The following DENND3 variants were observed in gnomAD, a reference collection of about 807,000 sequenced individuals.
The protein encoded by DENND3 is DENN domain containing 3.
Under a neutral mutation model 135.1 loss-of-function variants are expected in DENND3, and 88 were observed. That is an observed-to-expected ratio of 0.65 (90% CI 0.55 to 0.78). DENND3 has a LOEUF of 0.78. Ranked by LOEUF, DENND3 falls within the 30% of genes least tolerant of loss-of-function variation. The pLI, the probability that DENND3 is intolerant of heterozygous loss-of-function variation, is 0.00. For synonymous variants in DENND3, 693 were observed against 712.3 expected (o/e 0.97, Z 0.43); for missense variants, 1,392 against 1,688.4 (o/e 0.82, Z 3.08).
At chr8:141,131,063 G>A (rs1816021230) in intron 1 of DENND3, among the ~76,000 whole-genome samples, 1 of 152,110 alleles carries the variant, frequency 6.6e-6, no homozygotes, top group Non-Finnish European at 1.5e-5. Context: ...GATGACACAG[G>A]AAAACAGAGG....
At chr8:141,150,786 C>T (rs758547767) in intron 5 of DENND3, 48 bp from the exon 6 acceptor site, 3 of 1,528,354 alleles carry the variant, frequency 2.0e-6, no homozygotes, top group Non-Finnish European at 2.6e-6. Context: ...ACGTCAGCCT[C>T]TGCCCGGAGC....
At chr8:141,185,945 C>T (rs764100782) in intron 18 of DENND3, among the ~76,000 whole-genome samples, 1 of 151,112 alleles carries the variant, frequency 6.6e-6, no homozygotes. Flanking sequence ...CAATTTCCTT[C>T]TTTTTTTTCT....
In DENND3 at chr8:141,136,871, C is replaced by T. The variant is rs1304331377; in HGVS notation, c.385+80C>T. On this transcript the variant is annotated intron_variant, in intron 2 of 22. Coordinates refer to ENST00000519811, the MANE Select transcript of DENND3 (RefSeq NM_001352890.3). Reference sequence around the variant, plus strand: ...TGGTCTATTCCCAGAAACCCACAGGCAGAGGGAAGTGACGTGAGCGGCAGA... The same window carrying T: ...TGGTCTATTCCCAGAAACCCACAGGTAGAGGGAAGTGACGTGAGCGGCAGA... 2.1e-6 allele frequency: 3 copies of T among 1,434,296 alleles called. No homozygotes were observed. The East Asian group carries it at 7.6e-5, about 36-fold the overall frequency. 88.8% of individuals were successfully genotyped at this position (1,434,296 alleles called of 1,614,324 possible).
In DENND3 at chr8:141,130,687, A is replaced by AT. The variant is rs1491515107; in HGVS notation, c.102+1879dup. On this transcript the variant is annotated intron_variant, in intron 1 of 22. Transcript: ENST00000519811. The surrounding 1 kb of genome is among the most constrained non-coding windows in gnomAD (Gnocchi z 4.2). Reference sequence around the variant, plus strand: ...TATTTTGAATGTCCAAGGCTTTTAAATATATTTTTTTTTTTTTGAGACAGA... The same window carrying AT: ...TATTTTGAATGTCCAAGGCTTTTAAATTATATTTTTTTTTTTTTGAGACAGA... 2.2e-5 allele frequency among the ~76,000 whole-genome samples: 3 copies of AT among 134,606 alleles called. No homozygotes were observed. Among genetic ancestry groups the AT allele is most frequent in the African/African-American group, 8.2e-5 (3 of 36,410 alleles). 88.3% of individuals were successfully genotyped at this position (134,606 alleles called of 152,430 possible).
intron 1 of DENND3, among the ~76,000 whole-genome samples, chr8:141,129,021 C>A (rs901835970): frequency 4.6e-5 from 7 of 152,236 alleles, no homozygotes; most frequent in Admixed American, 2.6e-4. Flanking sequence ...CCCCTCCCCT[C>A]TTCTCTCCTC....
intron 1 of DENND3, among the ~76,000 whole-genome samples, chr8:141,133,959 C>T (rs1364814265): frequency 1.3e-5 from 2 of 152,014 alleles, no homozygotes; most frequent in Non-Finnish European, 1.5e-5. Context: ...GTGCTGAGGT[C>T]CTTCAGGAGG....
intron 3 of DENND3, among the ~76,000 whole-genome samples, chr8:141,140,922 T>C (rs1354318376): frequency 1.3e-5 from 2 of 152,364 alleles, no homozygotes; most frequent in East Asian, 1.9e-4. Flanking sequence ...TGGGTCTTAC[T>C]GTGTTCTAAT....
At chr8:141,131,747 C>T (rs1816123116) in intron 1 of DENND3, among the ~76,000 whole-genome samples, 1 of 152,180 alleles carries the variant, frequency 6.6e-6, no homozygotes, top group Non-Finnish European at 1.5e-5. Context: ...CTGGTTTTTA[C>T]TTTTGAATTA....
At position 141,144,390 on chromosome 8, in the gene DENND3, C is replaced by T. The variant is rs888529898; in HGVS notation, c.735+131C>T. ...TAAACCTAAAATAACATCCTAACCC[C>T]CCCGCCTCCCCACAGCTGACTGACT... On this transcript the variant is annotated intron_variant, in intron 5 of 22. Transcript: ENST00000519811. The surrounding 1 kb of genome is among the most constrained non-coding windows in gnomAD (Gnocchi z 4.4). 11 of 891,630 alleles carry T rather than the reference C, an allele frequency of 1.2e-5. No individual in the cohort carries two copies. Among genetic ancestry groups the T allele is most frequent in the Non-Finnish European group, 1.8e-5 (11 of 619,900 alleles). 55.2% of individuals were successfully genotyped at this position (891,630 alleles called of 1,614,324 possible). A position where few individuals can be genotyped will look rare whatever the true frequency, so the allele number is the denominator to read the frequency against.
intron 7 of DENND3, among the ~76,000 whole-genome samples, chr8:141,152,535 T>G (rs1818915283): frequency 6.6e-6 from 1 of 152,208 alleles, no homozygotes; most frequent in Admixed American, 6.5e-5. Context: ...TTGAGACTCC[T>G]CCACGTGGTA....
Position 141,178,110 on chromosome 8 carries a change from T to G in DENND3, c.2750T>G (p.Met917Arg), listed in dbSNP as rs1343923381. 8 of 1,612,214 alleles carry G rather than the reference T, an allele frequency of 5.0e-6. No individual in the cohort carries two copies. Among genetic ancestry groups the G allele is most frequent in the Non-Finnish European group, 6.8e-6 (8 of 1,178,424 alleles). The stretch of plus-strand genomic sequence containing the variant: ...CAGGCGCTGACCAACGTCTTGCTGA[T>G]GGACGCCGTCGTGGGCACACTGCAG... ...VQQALTNVLL[M>R]DAVVGTLQSP... is the part of the protein sequence containing the mutation. Residue 917 changes from methionine (M) to arginine (R), a missense_variant, in exon 16 of 23, where the codon ATG (methionine) becomes AGG (arginine). Transcript: ENST00000519811.
At position 141,136,760 on chromosome 8, in the gene DENND3, C is replaced by A. The variant is rs1274104567; in HGVS notation, c.354C>A (p.Asp118Glu). Residue 118 changes from aspartate (D) to glutamate (E), a missense_variant, in exon 2 of 23, where the codon GAC becomes GAA. Physicochemically the swap from Asp to Glu is conservative, Grantham distance 45. Coordinates refer to ENST00000519811, the MANE Select transcript of DENND3 (RefSeq NM_001352890.3). ...ATGTCGCCGTCCCGGGCGGCGTGGACCTCCTCACCCTGCCGCAGCTGTGCT... is the reference window on the plus strand; with the variant it reads ...ATGTCGCCGTCCCGGGCGGCGTGGAACTCCTCACCCTGCCGCAGCTGTGCT... ...PEDVAVPGGVDLLTLPQLCFP... is the reference protein window; with the variant it reads ...PEDVAVPGGVELLTLPQLCFP... 1 of 1,588,976 alleles carries A rather than the reference C, an allele frequency of 6.3e-7. No individual in the cohort carries two copies. Among genetic ancestry groups the A allele is most frequent in the African/African-American group, 1.3e-5 (1 of 74,330 alleles).
chr8:141,176,342 G>T, intron 14 of DENND3: 2 of 467,572 alleles, frequency 4.3e-6, no homozygotes, highest in Non-Finnish European at 7.6e-6. Flanking sequence ...GTGAAAGAAT[G>T]CGCTGCCTTC....
chr8:141,190,993 C>G (rs1322979490), intron 20 of DENND3, among the ~76,000 whole-genome samples: 1 of 152,252 alleles, frequency 6.6e-6, no homozygotes, highest in African/African-American at 2.4e-5. Context: ...TCTTCCTCGG[C>G]ATGTGCCAGA....
intron 5 of DENND3, among the ~76,000 whole-genome samples, chr8:141,147,571 G>A (rs769982950): frequency 5.3e-5 from 8 of 152,182 alleles, no homozygotes; most frequent in Non-Finnish European, 1.2e-4. Flanking sequence ...CTCATCTCTG[G>A]TCACTCTCAG....
intron 5 of DENND3, among the ~76,000 whole-genome samples, chr8:141,147,442 C>T (rs1176808838): frequency 2.0e-5 from 3 of 152,254 alleles, no homozygotes; most frequent in Admixed American, 6.5e-5. Context: ...ACTCCCCCAG[C>T]GTGCTGATGT....
chr8:141,178,472 G>T (rs2154613367), intron 16 of DENND3, among the ~76,000 whole-genome samples: 1 of 152,330 alleles, frequency 6.6e-6, no homozygotes, highest in East Asian at 1.9e-4. Flanking sequence ...AGCATTTGTG[G>T]TGATTCGTAA....
chr8:141,179,103 GCTCT>G (rs1391321234), intron 16 of DENND3, among the ~76,000 whole-genome samples: 2 of 152,218 alleles, frequency 1.3e-5, no homozygotes, highest in African/African-American at 4.8e-5. Context: ...GGCACAGTTT[GCTCT>G]CTTTGTGGCA....
chr8:141,155,326 C>T (rs1012483712), intron 7 of DENND3, among the ~76,000 whole-genome samples: 1 of 152,072 alleles, frequency 6.6e-6, no homozygotes, highest in Non-Finnish European at 1.5e-5. Context: ...TCAAATTTAG[C>T]CCATTAACAT....
Sources: gnomAD v4.1 joint callset for allele counts (sites outside exome capture counted in the v4.1 genomes callset) on GRCh38, gnomAD v4.1.1 for gene constraint, Gnocchi (gnomAD v3.1) non-coding constraint, MANE v1.5 for transcripts, NCBI Gene and HGNC (gene_info 2026-07-23, HGNC 2026-07-21) for gene names.